Variants in GPATCH2 observed in about 807,000 individuals in gnomAD.
GPATCH2 encodes the protein G-patch domain containing 2.
GPATCH2 carries 51 observed loss-of-function variants against 58.0 expected under a neutral mutation model. That is an observed-to-expected ratio of 0.88 (90% CI 0.70 to 1.11). The LOEUF (loss-of-function observed/expected upper bound fraction) is 1.11, where lower values mean the gene tolerates loss of function less well. Ranked by LOEUF, GPATCH2 falls within the 50% of genes most tolerant of loss-of-function variation. The pLI, the probability that GPATCH2 is intolerant of heterozygous loss-of-function variation, is 0.00. For synonymous variants in GPATCH2, 222 were observed against 218.5 expected (o/e 1.02, Z -0.14); for missense variants, 625 against 652.2 (o/e 0.96, Z 0.45).
chr1:217,468,564 GAGAGAA>G (rs1558413978), intron 8 of GPATCH2, among the ~76,000 whole-genome samples: 3 of 142,576 alleles, frequency 2.1e-5, no homozygotes, highest in African/African-American at 7.7e-5. Flanking sequence ...CACACACACA[GAGAGAA>G]AGAGAAAGAG....
At chr1:217,481,931 A>T (rs1661228704) in intron 8 of GPATCH2, among the ~76,000 whole-genome samples, 1 of 152,222 alleles carries the variant, frequency 6.6e-6, no homozygotes, top group Non-Finnish European at 1.5e-5. Context: ...CAGGAAAAAT[A>T]GAAACAATAA....
intron 5 of GPATCH2, among the ~76,000 whole-genome samples, chr1:217,561,652 A>G (rs901693851): frequency 1.7e-4 from 26 of 152,200 alleles, no homozygotes; most frequent in African/African-American, 6.3e-4. Context: ...TCTTTTCCCC[A>G]CTTTCCTCTG....
chr1:217,569,350 G>A lies in GPATCH2; in HGVS notation c.1098+40971C>T, dbSNP rs575615789. Among the ~76,000 whole-genome samples the A allele has an allele frequency of 3.9e-5, 6 of 152,148 alleles. No individual in the cohort carries two copies. The South Asian group carries it at 1.2e-3, about 32-fold the overall frequency. On this transcript the variant is annotated intron_variant, in intron 5 of 9. Transcript: ENST00000366935. ...GTCATTAAGTAAGCAAGCAGAGGGT[G>A]GGGTGGATATGTGTGACCCATTTTA...
At chr1:217,590,573 A>G (rs1435018612) in intron 5 of GPATCH2, among the ~76,000 whole-genome samples, 2 of 152,184 alleles carry the variant, frequency 1.3e-5, no homozygotes, top group African/African-American at 4.8e-5. Flanking sequence ...GGAGTATTTG[A>G]CCAATCAATG....
intron 5 of GPATCH2, among the ~76,000 whole-genome samples, chr1:217,568,111 C>T (rs374055022): frequency 1.3e-5 from 2 of 151,922 alleles, no homozygotes; most frequent in South Asian, 2.1e-4. Flanking sequence ...AGCAAGACTC[C>T]GTCTCAAAAA....
chr1:217,507,256 C>T (rs1315764646), intron 6 of GPATCH2, among the ~76,000 whole-genome samples: 1 of 152,102 alleles, frequency 6.6e-6, no homozygotes, highest in East Asian at 1.9e-4. Context: ...TTTTAAGATT[C>T]CTTTGGGTTC....
At chr1:217,551,574 C>G (rs1372032408) in intron 5 of GPATCH2, among the ~76,000 whole-genome samples, 1 of 152,112 alleles carries the variant, frequency 6.6e-6, no homozygotes, top group Non-Finnish European at 1.5e-5. Context: ...ACCTTGAAAA[C>G]AGTGCCAAAA....
intron 5 of GPATCH2, among the ~76,000 whole-genome samples, chr1:217,544,559 A>C (rs1340380005): frequency 6.6e-6 from 1 of 152,224 alleles, no homozygotes; most frequent in Non-Finnish European, 1.5e-5. Flanking sequence ...AGATTTCTCC[A>C]CACACTAAAT....
chr1:217,549,054 T>A (rs1665215927), intron 5 of GPATCH2, among the ~76,000 whole-genome samples: 1 of 152,216 alleles, frequency 6.6e-6, no homozygotes, highest in African/African-American at 2.4e-5. Flanking sequence ...AATGTCTGTA[T>A]ACTGTTGCTT....
chr1:217,618,176 T>G (rs571160162), intron 2 of GPATCH2, among the ~76,000 whole-genome samples: 16 of 151,824 alleles, frequency 1.1e-4, no homozygotes, highest in Non-Finnish European at 1.8e-4. Context: ...ACAATTTTCT[T>G]GCAAGAAAAA....
intron 5 of GPATCH2, among the ~76,000 whole-genome samples, chr1:217,531,020 C>A (rs181489149): frequency 6.6e-6 from 1 of 151,822 alleles, no homozygotes; most frequent in East Asian, 1.9e-4. Context: ...AGGGAACGCA[C>A]CTCCTCCCAA....
At chr1:217,467,513 A>G (rs555126959) in intron 8 of GPATCH2, among the ~76,000 whole-genome samples, 5 of 152,286 alleles carry the variant, frequency 3.3e-5, no homozygotes, top group Admixed American at 3.3e-4. Flanking sequence ...TAGTGATGAC[A>G]GTATGGTGAT....
chr1:217,572,956 C>T (rs1666638253), intron 5 of GPATCH2, among the ~76,000 whole-genome samples: 1 of 152,146 alleles, frequency 6.6e-6, no homozygotes. Flanking sequence ...AATTTTTGTA[C>T]CTACTTAAGA....
At chr1:217,609,605 G>A in intron 5 of GPATCH2, 1 of 983,532 alleles carries the variant, frequency 1.0e-6, no homozygotes, top group Non-Finnish European at 1.2e-6. Flanking sequence ...CTCCAGCAAA[G>A]ATTATCAACC....
intron 5 of GPATCH2, among the ~76,000 whole-genome samples, chr1:217,520,090 G>T (rs1018865758): frequency 6.6e-6 from 1 of 152,022 alleles, no homozygotes; most frequent in African/African-American, 2.4e-5. Flanking sequence ...TATATGGCAG[G>T]CCTGGAAAAA....
intron 5 of GPATCH2, among the ~76,000 whole-genome samples, chr1:217,539,788 G>A (rs1013615320): frequency 6.6e-6 from 1 of 152,082 alleles, no homozygotes; most frequent in Non-Finnish European, 1.5e-5. Flanking sequence ...ATGTTTTATC[G>A]TAATGGCTAT....
intron 5 of GPATCH2, among the ~76,000 whole-genome samples, chr1:217,564,076 T>C (rs1157040669): frequency 7.7e-6 from 1 of 129,786 alleles, no homozygotes; most frequent in Non-Finnish European, 1.6e-5. Context: ...AAAAAAGAAG[T>C]ATGTATAAAA....
At chr1:217,556,959 T>A (rs1168818333) in intron 5 of GPATCH2, among the ~76,000 whole-genome samples, 1 of 152,358 alleles carries the variant, frequency 6.6e-6, no homozygotes, top group Middle Eastern at 3.4e-3. Context: ...ACACATATCA[T>A]GTTTATAGAT....
chr1:217,522,764 TACTC>T lies in GPATCH2; in HGVS notation c.1099-7879_1099-7876del, dbSNP rs568484615. 1.2e-3 allele frequency among the ~76,000 whole-genome samples: 186 copies of T among 149,452 alleles called. 3 individuals carry two copies. Among genetic ancestry groups the T allele is most frequent in the African/African-American group, 4.4e-3 (171 of 38,874 alleles). Reference sequence around the variant, plus strand: ...ATGATAATCTAAATGTGGATTTTCTTACTCAATTCATATCAAAGCAATTCACATC... The same window carrying T: ...ATGATAATCTAAATGTGGATTTTCTTAATTCATATCAAAGCAATTCACATC... On this transcript the variant is annotated intron_variant, in intron 5 of 9. Transcript: ENST00000366935.
Sources: gnomAD v4.1 joint callset for allele counts (sites outside exome capture counted in the v4.1 genomes callset) on GRCh38, gnomAD v4.1.1 for gene constraint, MANE v1.5 for transcripts, NCBI Gene and HGNC (gene_info 2026-07-23, HGNC 2026-07-21) for gene names.